CTNNA2: variants seen among roughly 807,000 people sequenced by gnomAD.
CTNNA2 encodes the protein catenin alpha 2, also known as catenin alpha-2.
CTNNA2 carries 42 observed loss-of-function variants against 101.0 expected under a neutral mutation model. The observed-to-expected ratio is 0.42, with a 90% CI of 0.32 to 0.54. CTNNA2 has a LOEUF of 0.54. Among genes scored for constraint, CTNNA2 ranks in the 20% least tolerant of loss-of-function variants. The pLI, the probability that CTNNA2 is intolerant of heterozygous loss-of-function variation, is 0.14. For synonymous variants in CTNNA2, 450 were observed against 456.4 expected (o/e 0.99, Z 0.18); for missense variants, 871 against 1,223.1 (o/e 0.71, Z 4.29).
At chr2:79,406,672 G>T (rs912405022) in intron 4 of CTNNA2, among the ~76,000 whole-genome samples, 2 of 151,934 alleles carry the variant, frequency 1.3e-5, no homozygotes, top group African/African-American at 4.8e-5. Context: ...CTTGGTTAGG[G>T]TCTCATTTAT....
intron 3 of CTNNA2, among the ~76,000 whole-genome samples, chr2:79,781,621 T>C (rs6727655): frequency 0.08 from 12,148 of 152,234 alleles, 1,058 homozygotes; most frequent in African/African-American, 0.22. Context: ...TTTTGAAAGA[T>C]CAAAAAGTAT....
intron 7 of CTNNA2, among the ~76,000 whole-genome samples, chr2:80,284,973 T>G (rs1327644547): frequency 6.6e-6 from 1 of 152,188 alleles, no homozygotes; most frequent in East Asian, 1.9e-4. Flanking sequence ...CACTTAGTCC[T>G]AGTGTTTGTT....
At chr2:80,575,916 G>A (rs1438759496) in intron 13 of CTNNA2, among the ~76,000 whole-genome samples, 3 of 152,126 alleles carry the variant, frequency 2.0e-5, no homozygotes, top group African/African-American at 4.8e-5. Context: ...GGAGAGAAAT[G>A]TACAGTATGT....
chr2:79,589,660 C>T (rs547976011), intron 1 of CTNNA2, among the ~76,000 whole-genome samples: 8 of 151,854 alleles, frequency 5.3e-5, no homozygotes, highest in South Asian at 2.1e-4. Context: ...AAGGAGAGAA[C>T]GATGTATGGC....
In CTNNA2 at chr2:79,988,178, A is replaced by G. The variant is rs145496057; in HGVS notation, c.1056+78381A>G. On this transcript the variant is annotated intron_variant, in intron 7 of 18. Transcript: ENST00000402739. ...TACAGAATATGGCATCAAATCATGT[A>G]GGTTGCAATCCTGGCTGCTCCATAT... is the stretch of plus-strand genomic sequence containing the variant. Among the ~76,000 whole-genome samples the G allele has an allele frequency of 1.6e-3, 238 of 152,282 alleles. 2 individuals are homozygous for G. The East Asian group carries it at 0.04, about 26-fold the overall frequency.
chr2:80,310,670 A>G (rs1341777815), intron 7 of CTNNA2, among the ~76,000 whole-genome samples: 1 of 152,202 alleles, frequency 6.6e-6, no homozygotes, highest in African/African-American at 2.4e-5. Flanking sequence ...ATCACTGCCA[A>G]TCTGCTACTA....
At chr2:80,242,831 C>T (rs1314849735) in intron 7 of CTNNA2, among the ~76,000 whole-genome samples, 1 of 152,182 alleles carries the variant, frequency 6.6e-6, no homozygotes, top group African/African-American at 2.4e-5. Context: ...GGTGTGTTTT[C>T]TTCATTCTGC....
intron 1 of CTNNA2, among the ~76,000 whole-genome samples, chr2:79,590,602 C>T (rs2685152): frequency 4.6e-5 from 7 of 152,042 alleles, no homozygotes; most frequent in Admixed American, 2.0e-4. Context: ...TTAAAACTTA[C>T]GCTTTCGTCC....
chr2:79,575,607 A>C (rs1173626310), intron 1 of CTNNA2: 2 of 152,292 alleles, frequency 1.3e-5, no homozygotes, highest in Non-Finnish European at 2.9e-5. Context: ...CAGGATCTTC[A>C]CAGGCTGCTT....
At chr2:80,298,380 T>G (rs1675948622) in intron 7 of CTNNA2, 1 of 152,180 alleles carries the variant, frequency 6.6e-6, no homozygotes, top group South Asian at 2.1e-4. Flanking sequence ...AGATATAATT[T>G]CTGGTTCTTT....
intron 3 of CTNNA2, among the ~76,000 whole-genome samples, chr2:79,783,379 A>C (rs1024989032): frequency 1.3e-4 from 20 of 152,322 alleles, no homozygotes; most frequent in African/African-American, 3.8e-4. Context: ...AATCTCTACT[A>C]GGATTATGAC....
chr2:80,303,720 C>A lies in CTNNA2; in HGVS notation c.1057-89491C>A, dbSNP rs1168813756. On this transcript the variant is annotated intron_variant, in intron 7 of 18. Coordinates refer to ENST00000402739, the MANE Select transcript of CTNNA2 (RefSeq NM_001282597.3). This position sits in a 1 kb window ranked among gnomAD's most constrained non-coding sequence, Gnocchi z 7.7. ...AGCTGCGGGCACCCGCTGGGGGCGG[C>A]GGGCAGCATCTGAAAGCAGGCCCCC... 5.6e-6 allele frequency: 9 copies of A among 1,605,768 alleles called. No homozygotes were observed. The highest frequency in any genetic ancestry group is 7.7e-6 in the Non-Finnish European group (9 of 1,175,924).
At chr2:80,020,004 G>T (rs1041403855) in intron 7 of CTNNA2, among the ~76,000 whole-genome samples, 1 of 152,004 alleles carries the variant, frequency 6.6e-6, no homozygotes, top group Admixed American at 6.6e-5. Flanking sequence ...CATGGGTCAC[G>T]CACTGTTACA....
At chr2:80,575,012 T>G (rs1451945101) in intron 13 of CTNNA2, 1 of 152,236 alleles carries the variant, frequency 6.6e-6, no homozygotes, top group African/African-American at 2.4e-5. Flanking sequence ...TGTTAAGACA[T>G]CTAGCTAACC....
rs534703318 is a variant in CTNNA2 at position 80,468,017 on chromosome 2, C to T, written c.1290+48416C>T. ...GAATATATTTATTCAAATAAGTGTT[C>T]GATTTTTCATGGAAGGATTTACACT... On this transcript the variant is annotated intron_variant, in intron 9 of 18. Transcript: ENST00000402739. Among the ~76,000 whole-genome samples the T allele has an allele frequency of 1.3e-4, 20 of 152,174 alleles. No individual in the cohort carries two copies. In the South Asian group the frequency reaches 3.9e-3, roughly 30 times the overall value.
chr2:79,565,132 G>A (rs1675026116), intron 1 of CTNNA2, among the ~76,000 whole-genome samples: 1 of 152,024 alleles, frequency 6.6e-6, no homozygotes, highest in Non-Finnish European at 1.5e-5. Context: ...ATGGTCTGGT[G>A]GTGGTGGTGT....
intron 7 of CTNNA2, among the ~76,000 whole-genome samples, chr2:79,967,728 C>G (rs1194443746): frequency 6.6e-6 from 1 of 152,128 alleles, no homozygotes; most frequent in Non-Finnish European, 1.5e-5. Context: ...GTATATACTC[C>G]AAAGAATTGA....
At chr2:80,280,664 T>A (rs1206792431) in intron 7 of CTNNA2, among the ~76,000 whole-genome samples, 1 of 152,028 alleles carries the variant, frequency 6.6e-6, no homozygotes, top group East Asian at 1.9e-4. Flanking sequence ...TCAAGGGTGG[T>A]CCAAAAATGT....
intron 9 of CTNNA2, among the ~76,000 whole-genome samples, chr2:80,542,132 A>G (rs550603497): frequency 6.6e-6 from 1 of 150,808 alleles, no homozygotes; most frequent in Non-Finnish European, 1.5e-5. Flanking sequence ...AAAAAGTACC[A>G]TTAGCATGCT....
Sources: allele counts gnomAD v4.1 joint callset (sites outside exome capture counted in the v4.1 genomes callset), GRCh38; gene constraint gnomAD v4.1.1; non-coding constraint Gnocchi (gnomAD v3.1); transcripts MANE v1.5; gene names NCBI Gene and HGNC (gene_info 2026-07-23, HGNC 2026-07-21).